The following SORCS2 variants were observed in gnomAD, a reference collection of about 807,000 sequenced individuals.
SORCS2 encodes the protein sortilin related VPS10 domain containing receptor 2, also known as VPS10 domain-containing receptor SorCS2.
SORCS2 carries 100 observed loss-of-function variants against 141.6 expected under a neutral mutation model. That is an observed-to-expected ratio of 0.71 (90% CI 0.60 to 0.83). The LOEUF is 0.83. SORCS2 is among the 40% of genes least tolerant of loss of function. SORCS2 has a pLI of 0.00. For synonymous variants in SORCS2, 789 were observed against 676.9 expected (o/e 1.17, Z -2.57); for missense variants, 1,646 against 1,560.2 (o/e 1.05, Z -0.93).
At chr4:7,369,257 T>G (rs1406641753) in intron 1 of SORCS2, among the ~76,000 whole-genome samples, 6 of 152,114 alleles carry the variant, frequency 3.9e-5, no homozygotes, top group South Asian at 2.1e-4. Flanking sequence ...GTTGCAGTGA[T>G]CCAAGATCAC....
At chr4:7,490,973 C>T (rs946422079) in intron 2 of SORCS2, among the ~76,000 whole-genome samples, 1 of 152,184 alleles carries the variant, frequency 6.6e-6, no homozygotes, top group Admixed American at 6.5e-5. Flanking sequence ...TTCTTACCAG[C>T]TGCCCAGCGG....
Position 7,286,558 on chromosome 4 carries a change from G to A in SORCS2, c.480+93432G>A, listed in dbSNP as rs1245341943. Among the ~76,000 whole-genome samples the A allele has an allele frequency of 2.6e-5, 4 of 152,194 alleles. No individual in the cohort carries two copies. Among genetic ancestry groups the A allele is most frequent in the African/African-American group, 9.7e-5 (4 of 41,438 alleles). ...GCACTGGAGCTGGGGTCGGTCCCAG[G>A]ACCAGAAGGGACATGGTCCCATTCG... On this transcript the variant is annotated intron_variant, in intron 1 of 26. Coordinates refer to ENST00000507866, the MANE Select transcript of SORCS2 (RefSeq NM_020777.3). This position sits in a 1 kb window ranked among gnomAD's most constrained non-coding sequence, Gnocchi z 4.1.
intron 1 of SORCS2, among the ~76,000 whole-genome samples, chr4:7,242,108 G>A (rs1194440331): frequency 3.3e-5 from 5 of 152,220 alleles, no homozygotes; most frequent in African/African-American, 1.2e-4. Flanking sequence ...CACTGATTCG[G>A]TAGGGCCTTC....
At chr4:7,588,758 A>ATATT (rs1189327922) in intron 3 of SORCS2, among the ~76,000 whole-genome samples, 1 of 152,180 alleles carries the variant, frequency 6.6e-6, no homozygotes, top group Non-Finnish European at 1.5e-5. Context: ...GAGAACACTG[A>ATATT]CATGCATTCA....
At chr4:7,482,456 C>G (rs1479356054) in intron 2 of SORCS2, among the ~76,000 whole-genome samples, 3 of 54,524 alleles carry the variant, frequency 5.5e-5, no homozygotes, top group Admixed American at 1.5e-4. Flanking sequence ...AGACCTGTAT[C>G]CCCGCTGCGG....
intron 1 of SORCS2, among the ~76,000 whole-genome samples, chr4:7,281,241 GAA>G (rs1361859020): frequency 6.6e-6 from 1 of 152,092 alleles, no homozygotes; most frequent in Non-Finnish European, 1.5e-5. Flanking sequence ...GTGTTCTTGA[GAA>G]GAGGCTGCTG....
rs373144930 is a variant in SORCS2 at position 7,638,313 on chromosome 4, C to G, written c.649-15C>G. On this transcript the variant is annotated splice_polypyrimidine_tract_variant and intron_variant, in intron 3 of 26. Transcript: ENST00000507866. ...GGCACCTGGCCCAGGCCTCACAACC[C>G]GCTTTGTGTTTCAGGTCATCCTTGT... The G allele has an allele frequency of 2.7e-5, 40 of 1,497,636 alleles. No homozygotes were observed. The African/African-American group carries it at 3.9e-4, about 15-fold the overall frequency. The allele number at this position is 1,497,636 out of a possible 1,614,324, so 92.8% of individuals were successfully genotyped here. A position where few individuals can be genotyped will look rare whatever the true frequency, so the allele number is the denominator to read the frequency against.
intron 1 of SORCS2, among the ~76,000 whole-genome samples, chr4:7,338,883 A>G (rs1011722471): frequency 6.6e-6 from 1 of 152,162 alleles, no homozygotes; most frequent in Non-Finnish European, 1.5e-5. Context: ...GGACGGCAGT[A>G]CTGTGGAAGG....
chr4:7,541,864 G>A (rs1482460468), intron 3 of SORCS2, among the ~76,000 whole-genome samples: 3 of 152,186 alleles, frequency 2.0e-5, no homozygotes, highest in East Asian at 1.9e-4. Flanking sequence ...CAGGAAAGCC[G>A]GAGTCAACTG....
chr4:7,676,542 A>T (rs185734176), intron 9 of SORCS2, among the ~76,000 whole-genome samples: 5 of 152,132 alleles, frequency 3.3e-5, no homozygotes, highest in Admixed American at 3.3e-4. Flanking sequence ...GTTCAGCCTG[A>T]GTGTTCTCTG....
intron 1 of SORCS2, among the ~76,000 whole-genome samples, chr4:7,292,264 C>T (rs1221248003): frequency 2.6e-5 from 4 of 151,240 alleles, no homozygotes; most frequent in East Asian, 2.0e-4. Context: ...ATTCACGGTC[C>T]GTTCACCAAG....
intron 2 of SORCS2, among the ~76,000 whole-genome samples, chr4:7,496,490 C>CTG (rs1234973764): frequency 2.2e-5 from 3 of 136,044 alleles, no homozygotes; most frequent in Non-Finnish European, 4.7e-5. Flanking sequence ...TCCCCCATCT[C>CTG]AGGGCAGTGA....
chr4:7,314,809 T>G (rs1345558323), intron 1 of SORCS2, among the ~76,000 whole-genome samples: 2 of 78,014 alleles, frequency 2.6e-5, no homozygotes, highest in Admixed American at 2.9e-4. Context: ...TGTTTTTTTT[T>G]TTTTTTTTTT....
At chr4:7,267,172 CA>C (rs72304956) in intron 1 of SORCS2, among the ~76,000 whole-genome samples, 42,489 of 152,120 alleles carry the variant, frequency 0.28, 6,599 homozygotes, top group African/African-American at 0.41. Context: ...ACGGGACAGA[CA>C]AGAGTGATGA....
intron 1 of SORCS2, among the ~76,000 whole-genome samples, chr4:7,309,386 C>G (rs1718039489): frequency 6.6e-6 from 1 of 152,212 alleles, no homozygotes; most frequent in Non-Finnish European, 1.5e-5. Context: ...CTCAGCCCGT[C>G]TGGCAGCCAA....
rs1236089058 is a variant in SORCS2, at chr4:7,648,922, A to G, written c.814-5212A>G. On this transcript the variant is annotated intron_variant, in intron 4 of 26. Transcript: ENST00000507866. This position sits in a 1 kb window ranked among gnomAD's most constrained non-coding sequence, Gnocchi z 4.2. Reference sequence around the variant, plus strand: ...GAGGAGCTAGAGGCCAGAGAACCAGAGTTCTGAGCGTAGCATGAGGGGACA... The same window carrying G: ...GAGGAGCTAGAGGCCAGAGAACCAGGGTTCTGAGCGTAGCATGAGGGGACA... 6.6e-6 allele frequency among the ~76,000 whole-genome samples: 1 copy of G among 152,098 alleles called. No homozygotes were observed. Among genetic ancestry groups the G allele is most frequent in the Non-Finnish European group, 1.5e-5 (1 of 68,008 alleles).
intron 3 of SORCS2, among the ~76,000 whole-genome samples, chr4:7,575,621 A>G (rs973684558): frequency 3.3e-5 from 5 of 152,264 alleles, no homozygotes; most frequent in African/African-American, 7.2e-5. Flanking sequence ...TTAAATTTAA[A>G]TTAATTGAAA....
chr4:7,582,245 C>T (rs1489181610), intron 3 of SORCS2, among the ~76,000 whole-genome samples: 2 of 152,312 alleles, frequency 1.3e-5, no homozygotes, highest in East Asian at 3.9e-4. Context: ...CGAGGCCATA[C>T]AGGACAATAG....
chr4:7,653,821 C>A (rs1367245303), intron 4 of SORCS2, among the ~76,000 whole-genome samples: 1 of 152,240 alleles, frequency 6.6e-6, no homozygotes, highest in Non-Finnish European at 1.5e-5. Context: ...TTCCTCCCAT[C>A]CTCACACAGG....
Sources: allele counts gnomAD v4.1 joint callset (sites outside exome capture counted in the v4.1 genomes callset), GRCh38; gene constraint gnomAD v4.1.1; non-coding constraint Gnocchi (gnomAD v3.1); transcripts MANE v1.5; gene names NCBI Gene and HGNC (gene_info 2026-07-23, HGNC 2026-07-21).